Variants in SF3B3 observed in about 807,000 individuals in gnomAD.
SF3B3 encodes the protein SAP 130.
A neutral mutation model predicts 139.2 loss-of-function variants in SF3B3; 33 were observed. The observed-to-expected ratio is 0.24, with a 90% CI of 0.18 to 0.32. The LOEUF (loss-of-function observed/expected upper bound fraction) is 0.32. SF3B3 is among the 10% of genes least tolerant of loss of function. The probability of loss-of-function intolerance (pLI) is 1.00; values close to 1 mark genes in which losing one functional copy is unlikely to be tolerated. For missense variants in SF3B3, 818 were observed against 1,509.4 expected, an observed-to-expected ratio of 0.54 and a Z score of 7.59; for synonymous variants, 596 against 563.6, an observed-to-expected ratio of 1.06 and a Z score of -0.81.
intron 18 of SF3B3, 62 bp downstream of exon 18, chr16:70,564,112 A>C (rs2151793121): frequency 6.5e-7 from 1 of 1,550,080 alleles, no homozygotes; most frequent in African/African-American, 1.4e-5. Context: ...TGAAAAGTTT[A>C]AACTGCCCGG....
Position 70,539,098 on chromosome 16 carries a change from C to T in SF3B3, c.964-6C>T. The T allele has an allele frequency of 6.2e-7, 1 of 1,603,874 alleles. No individual in the cohort carries two copies. ...TTGTACACCAGAATGTTTCTTTTCTCACCAGGTTACTGAGATCCGGCTCAA... is the reference window on the plus strand; with the variant it reads ...TTGTACACCAGAATGTTTCTTTTCTTACCAGGTTACTGAGATCCGGCTCAA... On this transcript the variant is annotated splice_region_variant and splice_polypyrimidine_tract_variant and intron_variant, in intron 7 of 25. Transcript: ENST00000302516.
chr16:70,562,365 T>C, intron 17 of SF3B3, among the ~76,000 whole-genome samples: 1 of 152,222 alleles, frequency 6.6e-6, no homozygotes, highest in East Asian at 1.9e-4. Flanking sequence ...TTATAACTAT[T>C]GGCTGTTCAT....
rs959405338 is a variant in SF3B3 at position 70,575,645 on chromosome 16, A to T, written c.*3832A>T. On this transcript the variant is annotated 3_prime_UTR_variant, in exon 26 of 26. Transcript: ENST00000302516. Reference sequence around the variant, plus strand: ...ACCCAGAGGTTGGAGGAGAGTTTATAACCAGGCAGTCTCTGTCGCTGTGAG... The same window carrying T: ...ACCCAGAGGTTGGAGGAGAGTTTATTACCAGGCAGTCTCTGTCGCTGTGAG... The T allele has an allele frequency of 2.6e-5, 4 of 152,292 alleles. No homozygotes were observed. Among genetic ancestry groups the T allele is most frequent in the African/African-American group, 9.6e-5 (4 of 41,468 alleles). The allele number at this position is 152,292 out of a possible 1,614,324, so 9.4% of individuals were successfully genotyped here. A position where few individuals can be genotyped will look rare whatever the true frequency, so the allele number is the denominator to read the frequency against.
chr16:70,574,938 C>T lies in SF3B3; in HGVS notation c.*3125C>T, dbSNP rs1205180329. The stretch of plus-strand genomic sequence containing the variant: ...GGCTATATGTAGAGCTCAGAAGAAA[C>T]ATCTCTGCTGCTGAAATCAAACCTG... On this transcript the variant is annotated 3_prime_UTR_variant, in exon 26 of 26. Transcript: ENST00000302516. 6.6e-6 allele frequency: 1 copy of T among 152,188 alleles called. No individual in the cohort carries two copies. Among genetic ancestry groups the T allele is most frequent in the Non-Finnish European group, 1.5e-5 (1 of 68,048 alleles). 9.4% of individuals were successfully genotyped at this position (152,188 alleles called of 1,614,324 possible).
chr16:70,531,970 G>T (rs932253622), intron 4 of SF3B3, among the ~76,000 whole-genome samples: 1 of 152,194 alleles, frequency 6.6e-6, no homozygotes, highest in Admixed American at 6.5e-5. Flanking sequence ...GGAGCCTGAG[G>T]CCCAGGAATT....
chr16:70,528,958 C>T lies in SF3B3; in HGVS notation c.156C>T (p.Thr52=), dbSNP rs1474635575. The change falls in exon 3 of 26, where the codon ACC becomes ACT. Residue 52 remains threonine, a synonymous_variant. Transcript: ENST00000302516. ...ACCCCAACACTGGCAAAGTACATACCCTACTCACTGTGGAAGTATTCGGTG... is the reference window on the plus strand; with the variant it reads ...ACCCCAACACTGGCAAAGTACATACTCTACTCACTGTGGAAGTATTCGGTG... ...RPDPNTGKVH[T]LLTVEVFGVI... The T allele has an allele frequency of 2.5e-6, 4 of 1,614,010 alleles. No individual in the cohort carries two copies. Among genetic ancestry groups the T allele is most frequent in the Admixed American group, 1.7e-5 (1 of 60,010 alleles).
At chr16:70,535,477 G>A (rs898537228) in intron 6 of SF3B3, 57 bp downstream of exon 6, 66 of 1,000,154 alleles carry the variant, frequency 6.6e-5, no homozygotes, top group Admixed American at 1.3e-4. Flanking sequence ...TGATTACAGT[G>A]TAGTCTCTTA....
At chr16:70,549,132 T>C (rs2050297344) in intron 11 of SF3B3, among the ~76,000 whole-genome samples, 1 of 152,226 alleles carries the variant, frequency 6.6e-6, no homozygotes, top group African/African-American at 2.4e-5. Context: ...TGATTCACAT[T>C]GGAGCTACGT....
At chr16:70,567,144 A>G (rs889816626) in intron 20 of SF3B3, among the ~76,000 whole-genome samples, 1 of 152,202 alleles carries the variant, frequency 6.6e-6, no homozygotes, top group Non-Finnish European at 1.5e-5. Context: ...CACTGTTGAA[A>G]TAACACCAGT....
chr16:70,525,829 C>A (rs373303814), intron 1 of SF3B3, among the ~76,000 whole-genome samples: 3 of 151,560 alleles, frequency 2.0e-5, no homozygotes, highest in African/African-American at 7.3e-5. Flanking sequence ...GGTGTGGTGG[C>A]GGGCGCCTGT....
chr16:70,564,163 T>A, intron 18 of SF3B3, 113 bp downstream of exon 18: 1 of 1,070,686 alleles, frequency 9.3e-7, no homozygotes. Context: ...TTGAGGCCAC[T>A]AGTTCGAGAC....
chr16:70,560,673 A>G (rs2050420379), intron 16 of SF3B3, 82 bp downstream of exon 16: 1 of 1,499,672 alleles, frequency 6.7e-7, no homozygotes, highest in East Asian at 2.4e-5. Context: ...TGTAAGCTTC[A>G]CTGTCACTAA....
At chr16:70,567,679 C>G in intron 21 of SF3B3, 143 bp downstream of exon 21, 1 of 1,087,366 alleles carries the variant, frequency 9.2e-7, no homozygotes, top group Non-Finnish European at 1.3e-6. Flanking sequence ...GAATTATGCC[C>G]TTGTTTTTTT....
At position 70,565,390 on chromosome 16, in the gene SF3B3, A is replaced by G. The variant is rs779520760; in HGVS notation, c.2692A>G (p.Asn898Asp). 1 of 1,614,128 alleles carries G rather than the reference A, an allele frequency of 6.2e-7. No individual in the cohort carries two copies. Among genetic ancestry groups the G allele is most frequent in the South Asian group, 1.1e-5 (1 of 91,074 alleles). Residue 898 changes from asparagine (N) to aspartate (D), a missense_variant, in exon 20 of 26, where the codon AAC becomes GAC. Physicochemically the swap from Asn to Asp is conservative, Grantham distance 23 (BLOSUM62 1). Transcript: ENST00000302516. ...AFSVAVCRFS[N>D]TGEDWYVLVG... The stretch of plus-strand genomic sequence containing the variant: ...TAGTGTGGCTGTGTGCAGGTTTTCC[A>G]ACACTGGTGAAGACTGGTATGTGCT...
Position 70,559,879 on chromosome 16 carries a change from G to A in SF3B3, c.2011-590G>A, listed in dbSNP as rs551847611. ...TGGCTTCCACAGTGCTGTGATTACA[G>A]ATGTGAGCCACCTCACCTGGCTTCT... On this transcript the variant is annotated intron_variant, in intron 15 of 25. Transcript: ENST00000302516. Among the ~76,000 whole-genome samples the A allele has an allele frequency of 7.3e-5, 11 of 151,704 alleles. No individual in the cohort carries two copies. The East Asian group carries it at 1.6e-3, about 21-fold the overall frequency.
intron 11 of SF3B3, among the ~76,000 whole-genome samples, chr16:70,551,144 G>C (rs1567418270): frequency 6.6e-6 from 1 of 152,158 alleles, no homozygotes; most frequent in Non-Finnish European, 1.5e-5. Flanking sequence ...GGAGTGAGCT[G>C]CTGGTTGAGC....
chr16:70,551,394 T>G (rs2050323642), intron 11 of SF3B3, among the ~76,000 whole-genome samples: 3 of 152,214 alleles, frequency 2.0e-5, no homozygotes, highest in Non-Finnish European at 4.4e-5. Context: ...TTGGCTTTGT[T>G]CTGAACTCCA....
In SF3B3 at chr16:70,563,860, T is replaced by G; in HGVS notation, c.2289-16T>G. The stretch of plus-strand genomic sequence containing the variant: ...CCGAGTGAGTATTAAATAACTGCCT[T>G]GCTTTTTTGTCATAGGATTTTGGCA... On this transcript the variant is annotated splice_polypyrimidine_tract_variant and intron_variant, in intron 17 of 25. Coordinates refer to ENST00000302516, the MANE Select transcript of SF3B3 (RefSeq NM_012426.5). 1 of 1,613,518 alleles carries G rather than the reference T, an allele frequency of 6.2e-7. No individual in the cohort carries two copies. Among genetic ancestry groups the G allele is most frequent in the Non-Finnish European group, 8.5e-7 (1 of 1,179,674 alleles).
chr16:70,541,859 C>G (rs374279353), intron 9 of SF3B3, 25 bp downstream of exon 9: 2 of 1,596,604 alleles, frequency 1.3e-6, no homozygotes, highest in African/African-American at 2.7e-5. Context: ...CCAGCCCCTT[C>G]CACAATAGAT....
Sources: allele counts gnomAD v4.1 joint callset (sites outside exome capture counted in the v4.1 genomes callset), GRCh38; gene constraint gnomAD v4.1.1; transcripts MANE v1.5; gene names NCBI Gene and HGNC (gene_info 2026-07-23, HGNC 2026-07-21).